Variants in MYOF observed in about 807,000 individuals in gnomAD.
The protein encoded by MYOF is fer-1-like 3, myoferlin.
A neutral mutation model predicts 284.2 loss-of-function variants in MYOF; 244 were observed. The observed-to-expected ratio is 0.86, with a 90% CI of 0.77 to 0.95. The LOEUF is 0.95. Among genes scored for constraint, MYOF ranks in the 40% least tolerant of loss-of-function variants. The pLI is 0.00. For missense variants in MYOF, 2,496 were observed against 2,560.6 expected, an observed-to-expected ratio of 0.97 and a Z score of 0.54; for synonymous variants, 904 against 919.7, an observed-to-expected ratio of 0.98 and a Z score of 0.31.
chr10:93,453,596 G>A (rs1209191853), intron 2 of MYOF, among the ~76,000 whole-genome samples: 1 of 152,200 alleles, frequency 6.6e-6, no homozygotes, highest in Non-Finnish European at 1.5e-5. Flanking sequence ...ACCACACGTG[G>A]CCTCAGAGCT....
At chr10:93,475,298 C>A (rs893882209) in intron 1 of MYOF, among the ~76,000 whole-genome samples, 1 of 152,204 alleles carries the variant, frequency 6.6e-6, no homozygotes, top group Non-Finnish European at 1.5e-5. Context: ...AGTCAGCTGA[C>A]CACTGCCATA....
In MYOF at chr10:93,335,921, C is replaced by T; in HGVS notation, c.4563G>A (p.Lys1521=). ...NEDPSVVGEF[K]GSFRIYPLPD... is the part of the protein sequence containing the mutation. ...CGGGACCAACACACATCTTACTCAC[C>T]TTAAACTCTCCAACCACAGAAGGAT... Residue 1521 remains lysine, a splice_region_variant and synonymous_variant, in exon 41 of 54, where the codon AAG becomes AAA. Transcript: ENST00000359263. 7 of 1,613,988 alleles carry T rather than the reference C, an allele frequency of 4.3e-6. No individual in the cohort carries two copies. Among genetic ancestry groups the T allele is most frequent in the Non-Finnish European group, 5.9e-6 (7 of 1,179,934 alleles).
chr10:93,450,538 C>T (rs1177197978), intron 3 of MYOF, among the ~76,000 whole-genome samples: 1 of 152,190 alleles, frequency 6.6e-6, no homozygotes, highest in Non-Finnish European at 1.5e-5. Flanking sequence ...TGCGCCACTG[C>T]ACTCCAGCCT....
intron 16 of MYOF, among the ~76,000 whole-genome samples, chr10:93,393,852 C>T (rs1037342969): frequency 6.6e-5 from 10 of 152,228 alleles, no homozygotes; most frequent in African/African-American, 1.7e-4. Flanking sequence ...ATGACATCTA[C>T]ACTTTGTTCA....
chr10:93,467,148 C>A (rs1434849855), intron 1 of MYOF, among the ~76,000 whole-genome samples: 1 of 151,960 alleles, frequency 6.6e-6, no homozygotes, highest in Non-Finnish European at 1.5e-5. Flanking sequence ...TGTTTCCAAA[C>A]CTGTGCTCTT....
chr10:93,407,243 T>C (rs534351253), intron 7 of MYOF, among the ~76,000 whole-genome samples: 13 of 150,532 alleles, frequency 8.6e-5, no homozygotes, highest in Non-Finnish European at 1.9e-4. Flanking sequence ...CTGGGAAACA[T>C]GGCAAAACCC....
At chr10:93,465,227 A>G (rs1015986238) in intron 1 of MYOF, among the ~76,000 whole-genome samples, 2 of 152,212 alleles carry the variant, frequency 1.3e-5, no homozygotes, top group Admixed American at 1.3e-4. Context: ...GTCGAAAGAG[A>G]CAAAAAGCAA....
intron 3 of MYOF, among the ~76,000 whole-genome samples, chr10:93,441,997 A>AACACACACACACACACACACACACAC (rs34488205): frequency 7.5e-6 from 1 of 132,972 alleles, no homozygotes; most frequent in African/African-American, 2.9e-5. Flanking sequence ...CCTCAACCTG[A>AACACACACACACACACACACACACAC]ACACACACAC....
intron 1 of MYOF, among the ~76,000 whole-genome samples, chr10:93,459,454 T>G (rs1158673355): frequency 6.6e-6 from 1 of 152,220 alleles, no homozygotes; most frequent in East Asian, 1.9e-4. Flanking sequence ...CAGGTAAACA[T>G]GGTCATTCCC....
At chr10:93,474,013 C>G (rs2057205822) in intron 1 of MYOF, among the ~76,000 whole-genome samples, 1 of 152,216 alleles carries the variant, frequency 6.6e-6, no homozygotes, top group South Asian at 2.1e-4. Context: ...AGGGTGCACA[C>G]TCCAGCTGGA....
At chr10:93,392,589 A>G (rs558146953) in intron 17 of MYOF, among the ~76,000 whole-genome samples, 20 of 152,294 alleles carry the variant, frequency 1.3e-4, no homozygotes, top group Non-Finnish European at 2.4e-4. Context: ...AGAACAATTG[A>G]TTTAGTGGTC....
chr10:93,470,585 A>G (rs1412567120), intron 1 of MYOF, among the ~76,000 whole-genome samples: 16 of 152,062 alleles, frequency 1.1e-4, no homozygotes, highest in Admixed American at 1.0e-3. Flanking sequence ...TATTTTTAGC[A>G]GAGACAGGGT....
chr10:93,475,429 A>G (rs1411218468), intron 1 of MYOF, among the ~76,000 whole-genome samples: 1 of 152,176 alleles, frequency 6.6e-6, no homozygotes, highest in Non-Finnish European at 1.5e-5. Flanking sequence ...GCCCCCAGAG[A>G]ACAGGTGCTA....
chr10:93,383,993 C>G (rs1846241702), intron 19 of MYOF, among the ~76,000 whole-genome samples: 2 of 152,232 alleles, frequency 1.3e-5, no homozygotes, highest in Non-Finnish European at 2.9e-5. Context: ...CCTGATAGGA[C>G]CCTCACCCTG....
rs141412560 is a variant in MYOF at position 93,319,918 on chromosome 10, G to T, written c.5552C>A (p.Pro1851Gln). The T allele has an allele frequency of 1.2e-6, 2 of 1,614,020 alleles. No individual in the cohort carries two copies. The highest frequency in any genetic ancestry group is 1.7e-6 in the Non-Finnish European group (2 of 1,180,030). ...TTGTTCGGCTGGAAGGTAGTCAAAC[G>T]GGAAAACAAATCGCCAGTTAAAATT... Reference protein sequence around the residue: ...EGNFNWRFVFPFDYLPAEQLC... With the variant: ...EGNFNWRFVFQFDYLPAEQLC... The change falls in exon 49 of 54, where the codon CCG becomes CAG. Residue 1851 changes from proline to glutamine, a missense_variant. By Grantham distance (76) the Pro-to-Gln change is moderately conservative. This residue lies in a region of MYOF where 2,436 missense variants were observed against 2,480.7 expected (regional missense o/e 0.98). Coordinates refer to ENST00000359263, the MANE Select transcript of MYOF (RefSeq NM_013451.4).
chr10:93,354,703 T>TCTCTCTCTCTCTCTCTCTCTCTCTG (rs1243618498), intron 31 of MYOF, among the ~76,000 whole-genome samples: 4 of 70,760 alleles, frequency 5.7e-5, no homozygotes, highest in South Asian at 4.6e-4. Flanking sequence ...CTCTCTCTCT[T>TCTCTCTCTCTCTCTCTCTCTCTCTG]TGTGAGATAG....
At chr10:93,463,394 ATTTTTT>A (rs1554872325) in intron 1 of MYOF, among the ~76,000 whole-genome samples, 2 of 78,928 alleles carry the variant, frequency 2.5e-5, no homozygotes, top group East Asian at 4.2e-4. Flanking sequence ...GTCTCTACAA[ATTTTTT>A]TTTTTTTTTT....
intron 26 of MYOF, among the ~76,000 whole-genome samples, chr10:93,365,159 G>A (rs1202970496): frequency 6.6e-6 from 1 of 152,196 alleles, no homozygotes; most frequent in Non-Finnish European, 1.5e-5. Context: ...TCTTAAGAGA[G>A]CAGTATTTTC....
chr10:93,412,949 G>C (rs1031374078), intron 5 of MYOF, among the ~76,000 whole-genome samples: 1 of 152,114 alleles, frequency 6.6e-6, no homozygotes, highest in Non-Finnish European at 1.5e-5. Flanking sequence ...GGCTGGGGCT[G>C]ACAGCTGTTG....
Sources: gnomAD v4.1 joint callset for allele counts (sites outside exome capture counted in the v4.1 genomes callset) on GRCh38, gnomAD v4.1.1 for gene constraint, gnomAD v4.1.1 regional missense constraint, MANE v1.5 for transcripts, NCBI Gene and HGNC (gene_info 2026-07-23, HGNC 2026-07-21) for gene names.